Variants in PTGER3 observed in about 807,000 individuals in gnomAD.
PTGER3 encodes the protein prostaglandin E2 receptor EP3 subtype.
A neutral mutation model predicts 34.7 loss-of-function variants in PTGER3; 22 were observed. That is an observed-to-expected ratio of 0.63 (90% CI 0.45 to 0.91). PTGER3 has a LOEUF of 0.91. PTGER3 is among the 40% of genes least tolerant of loss of function. The pLI, the probability that PTGER3 is intolerant of heterozygous loss-of-function variation, is 0.00. For missense variants in PTGER3, 468 were observed against 519.4 expected (o/e 0.90, Z 0.96); for synonymous variants, 241 against 230.1 (o/e 1.05, Z -0.43).
chr1:71,017,167 C>T (rs55645269), intron 1 of PTGER3, among the ~76,000 whole-genome samples: 2,052 of 152,060 alleles, frequency 0.013, 55 homozygotes, highest in African/African-American at 0.046. Flanking sequence ...AGATTACCTG[C>T]GTGGACCCAA....
rs776804883 is a variant in PTGER3 at position 71,047,110 on chromosome 1, C to A, written c.468G>T (p.Ala156=). The change falls in exon 1 of 4, where the codon GCG becomes GCT. Residue 156 remains alanine (A), a synonymous_variant. Coordinates refer to ENST00000306666, the MANE Select transcript of PTGER3 (RefSeq NM_198719.2). ...ACCAGTGCGGCGCCCTGATGGCCAGCGCCCGCTCGACGGCCATGGCGCTGG... is the reference window on the plus strand; with the variant it reads ...ACCAGTGCGGCGCCCTGATGGCCAGAGCCCGCTCGACGGCCATGGCGCTGG... ...FIASAMAVER[A]LAIRAPHWYA... The A allele has an allele frequency of 1.2e-6, 2 of 1,604,452 alleles. No individual in the cohort carries two copies. Among genetic ancestry groups the A allele is most frequent in the African/African-American group, 1.3e-5 (1 of 74,828 alleles).
chr1:70,996,327 C>G (rs1655937812), intron 2 of PTGER3, among the ~76,000 whole-genome samples: 5 of 151,982 alleles, frequency 3.3e-5, no homozygotes, highest in Admixed American at 2.6e-4. Flanking sequence ...CTATCCTACT[C>G]TCTGAGACAA....
chr1:71,030,048 C>A (rs1659276796), intron 1 of PTGER3, among the ~76,000 whole-genome samples: 1 of 152,038 alleles, frequency 6.6e-6, no homozygotes, highest in Admixed American at 6.6e-5. Context: ...GTATTTGAGA[C>A]AAAGTCCACA....
chr1:70,934,800 C>T (rs1649049874), intron 4 of PTGER3, among the ~76,000 whole-genome samples: 1 of 152,138 alleles, frequency 6.6e-6, no homozygotes, highest in South Asian at 2.1e-4. Flanking sequence ...CTGTCCAGAT[C>T]ACCTTCCCTG....
At chr1:70,945,957 A>C (rs1006329374) in intron 4 of PTGER3, among the ~76,000 whole-genome samples, 4 of 152,136 alleles carry the variant, frequency 2.6e-5, no homozygotes, top group African/African-American at 9.7e-5. Context: ...TAAATATTTT[A>C]AGTGCACAGC....
intron 4 of PTGER3, among the ~76,000 whole-genome samples, chr1:70,945,583 G>C (rs184289034): frequency 9.5e-4 from 144 of 152,058 alleles, no homozygotes; most frequent in Admixed American, 1.9e-3. Flanking sequence ...TCATATATTG[G>C]TGAGACTGAA....
chr1:70,930,487 G>T (rs759739694), intron 4 of PTGER3, among the ~76,000 whole-genome samples: 9 of 152,050 alleles, frequency 5.9e-5, no homozygotes, highest in Non-Finnish European at 1.0e-4. Context: ...GAGAAAATTT[G>T]TTTTCCTCTT....
rs377469666 is a variant in PTGER3 at position 70,916,540 on chromosome 1, C to T, written c.*23+37223G>A. Among the ~76,000 whole-genome samples, 78 of 152,096 alleles carry T rather than the reference C, an allele frequency of 5.1e-4. 1 individual carries two copies. In the South Asian group the frequency reaches 0.015, roughly 30 times the overall value. ...TGTGATACATATATACCATAAGATA[C>T]GACACAGCCATAAAAAAGAACAAAA... is the stretch of plus-strand genomic sequence containing the variant. On this transcript the variant is annotated intron_variant, in intron 4 of 4. Transcript: ENST00000370931.
intron 1 of PTGER3, among the ~76,000 whole-genome samples, chr1:71,023,490 T>A (rs1167623459): frequency 6.6e-6 from 1 of 151,946 alleles, no homozygotes; most frequent in African/African-American, 2.4e-5. Context: ...TTCATCTCAA[T>A]GGCTTCAAAC....
exon 3 of PTGER3, chr1:70,953,767 T>C (rs1247809538): frequency 6.7e-7 from 1 of 1,483,280 alleles, no homozygotes; most frequent in Non-Finnish European, 9.0e-7. Context: ...ACTTACTTGC[T>C]CTCTGAGTCT....
intron 4 of PTGER3, among the ~76,000 whole-genome samples, chr1:70,883,266 A>G (rs1339200551): frequency 6.6e-6 from 1 of 152,194 alleles, no homozygotes; most frequent in Non-Finnish European, 1.5e-5. Flanking sequence ...TTAGTATTCA[A>G]TTTATTTAAA....
chr1:70,907,172 T>C (rs1255565757), intron 4 of PTGER3, among the ~76,000 whole-genome samples: 3 of 152,234 alleles, frequency 2.0e-5, no homozygotes, highest in African/African-American at 7.2e-5. Flanking sequence ...TTTGCTGTTG[T>C]TTCTGTTTTA....
chr1:71,046,142 G>T (rs1319992481), intron 1 of PTGER3, among the ~76,000 whole-genome samples: 3 of 151,444 alleles, frequency 2.0e-5, no homozygotes, highest in African/African-American at 7.3e-5. Context: ...AAAATTAGCC[G>T]GGCGTGGTGG....
At chr1:70,922,919 A>G (rs1253982306) in intron 4 of PTGER3, among the ~76,000 whole-genome samples, 1 of 152,122 alleles carries the variant, frequency 6.6e-6, no homozygotes, top group Non-Finnish European at 1.5e-5. Flanking sequence ...GTATTATTCC[A>G]TTTTTTCTGT....
intron 4 of PTGER3, among the ~76,000 whole-genome samples, chr1:70,889,112 C>G (rs1436056853): frequency 6.6e-6 from 1 of 151,994 alleles, no homozygotes; most frequent in Non-Finnish European, 1.5e-5. Context: ...GCAAATTAAC[C>G]CCTCAAATCT....
At chr1:70,861,682 A>C (rs1480413364) in intron 4 of PTGER3, among the ~76,000 whole-genome samples, 1 of 151,948 alleles carries the variant, frequency 6.6e-6, no homozygotes, top group Non-Finnish European at 1.5e-5. Context: ...TGCAATGGGA[A>C]TCTTCATGGT....
chr1:70,958,217 T>G (rs572861480), intron 2 of PTGER3, among the ~76,000 whole-genome samples: 2 of 152,312 alleles, frequency 1.3e-5, no homozygotes, highest in African/African-American at 4.8e-5. Context: ...ATATGCCCAG[T>G]AATGAGCTTG....
At chr1:71,011,594 T>C (rs1368230996) in intron 2 of PTGER3, 1 of 984,726 alleles carries the variant, frequency 1.0e-6, no homozygotes, top group Non-Finnish European at 1.2e-6. Flanking sequence ...ACAAATGGAA[T>C]TGGTTCTTAT....
chr1:70,980,158 C>A (rs1297972421), intron 2 of PTGER3, among the ~76,000 whole-genome samples: 1 of 152,010 alleles, frequency 6.6e-6, no homozygotes, highest in African/African-American at 2.4e-5. Flanking sequence ...AGGCAGAGAG[C>A]AAATACAGCT....
Sources: gnomAD v4.1 joint callset for allele counts (sites outside exome capture counted in the v4.1 genomes callset) on GRCh38, gnomAD v4.1.1 for gene constraint, MANE v1.5 for transcripts, NCBI Gene and HGNC (gene_info 2026-07-23, HGNC 2026-07-21) for gene names.